SMC3: variants seen among roughly 807,000 people sequenced by gnomAD.
SMC3 encodes the protein structural maintenance of chromosomes protein 3.
Under a neutral mutation model 171.8 loss-of-function variants are expected in SMC3, and 20 were observed. The ratio of observed to expected loss-of-function variants is 0.12; its 90% CI spans 0.08 to 0.17. The LOEUF is 0.17. Among genes scored for constraint, SMC3 ranks in the 10% least tolerant of loss-of-function variants. SMC3 has a pLI of 1.00. For synonymous variants in SMC3, 464 were observed against 451.1 expected (o/e 1.03, Z -0.36); for missense variants, 543 against 1,420.4 (o/e 0.38, Z 9.93).
chr10:110,588,118 A>G (rs1861152480), intron 13 of SMC3, among the ~76,000 whole-genome samples: 1 of 152,078 alleles, frequency 6.6e-6, no homozygotes, highest in South Asian at 2.1e-4. Flanking sequence ...AGCCTCCCCC[A>G]GTAGCTGGGA....
At chr10:110,577,285 TG>T in intron 4 of SMC3, 135 bp from the exon 5 acceptor site, 2 of 695,694 alleles carry the variant, frequency 2.9e-6, no homozygotes, top group Non-Finnish European at 5.2e-6. Context: ...GATTAGTGTG[TG>T]TGTGTATATA....
chr10:110,601,649 C>G lies in SMC3; in HGVS notation c.2657C>G (p.Ser886Cys). The change falls in exon 24 of 29, where the codon TCC becomes TGC. Residue 886 changes from serine to cysteine, a missense_variant. Physicochemically the swap from Ser to Cys is moderately radical, Grantham distance 112 (BLOSUM62 -1). Around this residue, in one of 8 missense-constraint regions of SMC3, gnomAD observed 81 missense variants for 184.2 expected, o/e 0.44. Coordinates refer to ENST00000361804, the MANE Select transcript of SMC3 (RefSeq NM_005445.4). ...TMARSEDLDN[S>C]IDKTEAGIKE... is the part of the protein sequence containing the mutation. ...CCCCCCATCTTAGATTTGGACAATT[C>G]CATTGATAAAACAGAAGCTGGAATT... 2 of 1,611,812 alleles carry G rather than the reference C, an allele frequency of 1.2e-6. No homozygotes were observed. The highest frequency in any genetic ancestry group is 4.5e-5 in the East Asian group (2 of 44,822).
At chr10:110,590,342 G>A in intron 15 of SMC3, 70 bp from the exon 16 acceptor site, 1 of 1,276,488 alleles carries the variant, frequency 7.8e-7, no homozygotes, top group Non-Finnish European at 1.1e-6. Context: ...ATGGTGTTGT[G>A]GGCTCATTCC....
intron 18 of SMC3, 74 bp from the exon 19 acceptor site, chr10:110,596,324 G>T (rs1861299941): frequency 1.4e-6 from 2 of 1,404,002 alleles, no homozygotes; most frequent in Non-Finnish European, 9.7e-7. Flanking sequence ...CTGTAGGTTA[G>T]TTTTTTTGTT....
At chr10:110,602,340 C>G in intron 25 of SMC3, 134 bp from the exon 26 acceptor site, 1 of 956,766 alleles carries the variant, frequency 1.0e-6, no homozygotes, top group Non-Finnish European at 1.6e-6. Flanking sequence ...ATGTTTTACA[C>G]AGCCCTTAGA....
chr10:110,596,531 C>G lies in SMC3; in HGVS notation c.2097C>G (p.Asn699Lys). The part of the protein sequence containing the change: ...LGELEAKLNE[N>K]LRRNIERINN... ...AACTTGAAGCAAAGCTCAATGAAAACCTGCGCAGAAATATTGAAAATATCT... is the reference window on the plus strand; with the variant it reads ...AACTTGAAGCAAAGCTCAATGAAAAGCTGCGCAGAAATATTGAAAATATCT... Residue 699 changes from asparagine (N) to lysine (K), a missense_variant, in exon 19 of 29, where the codon AAC becomes AAG. By Grantham distance (94) the Asn-to-Lys change is moderately conservative. This residue lies in a region of SMC3 where 218 missense variants were observed against 509.6 expected (regional missense o/e 0.43). Coordinates refer to ENST00000361804, the MANE Select transcript of SMC3 (RefSeq NM_005445.4). 1 of 1,613,902 alleles carries G rather than the reference C, an allele frequency of 6.2e-7. No individual in the cohort carries two copies. Among genetic ancestry groups the G allele is most frequent in the Non-Finnish European group, 8.5e-7 (1 of 1,179,900 alleles).
At chr10:110,596,222 CAAA>C (rs55837501) in intron 18 of SMC3, among the ~76,000 whole-genome samples, 173 bp from the exon 19 acceptor site, 13 of 124,788 alleles carry the variant, frequency 1.0e-4, no homozygotes, top group Non-Finnish European at 1.5e-4. Flanking sequence ...GACCCTGTCT[CAAA>C]AAAAAAAAAA....
chr10:110,598,363 T>C, intron 20 of SMC3, 73 bp downstream of exon 20: 2 of 1,426,480 alleles, frequency 1.4e-6, no homozygotes, highest in Non-Finnish European at 2.0e-6. Context: ...TCATACATTA[T>C]ATGGGTTATC....
rs534408835 is a variant in SMC3, at chr10:110,581,264, C to T, written c.547+243C>T. Among the ~76,000 whole-genome samples the T allele has an allele frequency of 2.3e-4, 32 of 139,186 alleles. 1 individual carries two copies. Among genetic ancestry groups the T allele is most frequent in the African/African-American group, 8.1e-4 (30 of 36,956 alleles). 91.3% of individuals were successfully genotyped at this position (139,186 alleles called of 152,430 possible). ...ATGGAGTCTTGCTCTGTCACCCAGG[C>T]TGGAGTGCAGTGGCGCGATCTCTGC... is the stretch of plus-strand genomic sequence containing the variant. On this transcript the variant is annotated intron_variant, in intron 8 of 28. Transcript: ENST00000361804.
In SMC3 at chr10:110,582,020, G is replaced by A. The variant is rs757625141; in HGVS notation, c.645G>A (p.Lys215=). The part of the protein sequence containing the change: ...EEKEELAQYQ[K]WDKMRRALEY... The stretch of plus-strand genomic sequence containing the variant: ...AGGAAGAACTAGCTCAGTATCAGAA[G>A]TGGGATAAAATGAGACGAGCCCTGG... The change falls in exon 9 of 29, where the codon AAG becomes AAA. Residue 215 remains lysine, a synonymous_variant. Transcript: ENST00000361804. The A allele has an allele frequency of 6.2e-7, 1 of 1,613,634 alleles. No homozygotes were observed. Among genetic ancestry groups the A allele is most frequent in the Non-Finnish European group, 8.5e-7 (1 of 1,179,628 alleles).
chr10:110,590,920 T>C (rs1861195530), intron 16 of SMC3, 71 bp from the exon 17 acceptor site: 3 of 1,396,998 alleles, frequency 2.1e-6, no homozygotes, highest in Non-Finnish European at 2.0e-6. Context: ...GGTGGGAGGA[T>C]TGATAAGTTT....
intron 8 of SMC3, 26 bp downstream of exon 8, chr10:110,581,047 T>A: frequency 7.7e-7 from 1 of 1,304,326 alleles, no homozygotes. Flanking sequence ...TTCTGCCTTA[T>A]TTTTTTGTTG....
rs764413306 is a variant in SMC3, at chr10:110,590,438, A to T, written c.1536A>T (p.Ile512=). ...CCATTTTAAATGGAATAGACAGCAT[A>T]AACAAAGTGCTAGACCACTTCCGTC... ...GKAILNGIDS[I]NKVLDHFRRK... is the part of the protein sequence containing the mutation. The change falls in exon 16 of 29, where the codon ATA becomes ATT. Residue 512 remains isoleucine, a synonymous_variant. Coordinates refer to ENST00000361804, the MANE Select transcript of SMC3 (RefSeq NM_005445.4). 1 of 1,614,040 alleles carries T rather than the reference A, an allele frequency of 6.2e-7. No individual in the cohort carries two copies. The highest frequency in any genetic ancestry group is 1.1e-5 in the South Asian group (1 of 91,078).
intron 13 of SMC3, among the ~76,000 whole-genome samples, chr10:110,589,250 A>G (rs1379211331): frequency 6.6e-6 from 1 of 152,106 alleles, no homozygotes; most frequent in African/African-American, 2.4e-5. Flanking sequence ...CAAAAAAAAC[A>G]AACTGAAATT....
intron 2 of SMC3, among the ~76,000 whole-genome samples, chr10:110,571,079 A>G (rs549278335): frequency 3.3e-5 from 5 of 152,246 alleles, no homozygotes; most frequent in East Asian, 3.8e-4. Flanking sequence ...AAAGAAATAC[A>G]TGTTATAGAA....
At chr10:110,572,251 G>T (rs1337263415) in intron 2 of SMC3, among the ~76,000 whole-genome samples, 2 of 152,176 alleles carry the variant, frequency 1.3e-5, no homozygotes, top group Non-Finnish European at 2.9e-5. Context: ...TCTAAGAGGA[G>T]GGATGTTCTC....
chr10:110,583,833 G>A lies in SMC3; in HGVS notation c.970-8G>A, dbSNP rs11195199. Reference sequence around the variant, plus strand: ...TTAAAGCAGTTTGCATTTTTACTTTGTTTACAGAAACGTTTATTAAAAGAG... The same window carrying A: ...TTAAAGCAGTTTGCATTTTTACTTTATTTACAGAAACGTTTATTAAAAGAG... On this transcript the variant is annotated splice_region_variant and splice_polypyrimidine_tract_variant and intron_variant, in intron 11 of 28. Transcript: ENST00000361804. The A allele has an allele frequency of 0.12, 185,494 of 1,608,740 alleles. 12,725 individuals are homozygous for A. The highest frequency in any genetic ancestry group is 0.29 in the East Asian group (13,122 of 44,664).
At position 110,567,780 on chromosome 10, in the gene SMC3, C is replaced by T. The variant is rs1486819583; in HGVS notation, c.-37C>T. ...CCCTGCGGCCGTGCGGTTGCTGCTC[C>T]GGGGCAGGTCTCCTTCCAGGCCAGG... On this transcript the variant is annotated 5_prime_UTR_variant, in exon 1 of 29. Transcript: ENST00000361804. The T allele has an allele frequency of 2.5e-6, 4 of 1,613,152 alleles. No individual in the cohort carries two copies. The highest frequency in any genetic ancestry group is 3.4e-6 in the Non-Finnish European group (4 of 1,179,632).
chr10:110,578,557 GCTACT>G, intron 6 of SMC3, 66 bp from the exon 7 acceptor site: 2 of 1,058,058 alleles, frequency 1.9e-6, no homozygotes, highest in Non-Finnish European at 2.9e-6. Flanking sequence ...CAACCAAGGG[GCTACT>G]CTACTCATTG....
Sources: allele counts gnomAD v4.1 joint callset (sites outside exome capture counted in the v4.1 genomes callset), GRCh38; gene constraint gnomAD v4.1.1; regional missense constraint gnomAD v4.1.1; transcripts MANE v1.5; gene names NCBI Gene and HGNC (gene_info 2026-07-23, HGNC 2026-07-21).